TNNI3K: variants seen among roughly 807,000 people sequenced by gnomAD.
TNNI3K encodes the protein TNNI3 interacting kinase.
TNNI3K carries 140 observed loss-of-function variants against 114.5 expected under a neutral mutation model. That is an observed-to-expected ratio of 1.22 (90% confidence interval 1.07 to 1.41). TNNI3K has a LOEUF of 1.41. Ranked by LOEUF, TNNI3K falls within the 40% of genes most tolerant of loss-of-function variation. The pLI, the probability that TNNI3K is intolerant of heterozygous loss-of-function variation, is 0.00. For synonymous variants in TNNI3K, 347 were observed against 347.5 expected, an observed-to-expected ratio of 1.00 and a Z score of 0.02; for missense variants, 1,125 against 1,007.6, an observed-to-expected ratio of 1.12 and a Z score of -1.58.
intron 17 of TNNI3K, chr1:74,374,454 A>G (rs891641126): frequency 6.6e-6 from 1 of 151,936 alleles, no homozygotes; most frequent in African/African-American, 2.4e-5. Context: ...TGTATCTTCT[A>G]CTGTAACAAC....
chr1:74,395,662 C>G (rs1321511033), intron 17 of TNNI3K, among the ~76,000 whole-genome samples: 1 of 152,116 alleles, frequency 6.6e-6, no homozygotes, highest in Admixed American at 6.5e-5. Context: ...GTTATGTCCT[C>G]CCACAAGGGA....
intron 17 of TNNI3K, chr1:74,372,701 T>C (rs771920130): frequency 6.6e-6 from 1 of 151,852 alleles, no homozygotes; most frequent in Non-Finnish European, 1.5e-5. Flanking sequence ...TGAGTAATCA[T>C]TGCAATAAGT....
At chr1:74,507,750 G>C (rs1445014866) in intron 23 of TNNI3K, among the ~76,000 whole-genome samples, 1 of 152,142 alleles carries the variant, frequency 6.6e-6, no homozygotes, top group Non-Finnish European at 1.5e-5. Flanking sequence ...TACTAATATG[G>C]TACTTTAGTG....
chr1:74,428,044 C>A (rs372882994), intron 17 of TNNI3K, among the ~76,000 whole-genome samples: 1 of 151,888 alleles, frequency 6.6e-6, no homozygotes, highest in Non-Finnish European at 1.5e-5. Flanking sequence ...AATCCACTAG[C>A]TTTAGAGGTA....
chr1:74,407,235 C>G (rs1268123413), intron 17 of TNNI3K, among the ~76,000 whole-genome samples: 1 of 152,094 alleles, frequency 6.6e-6, no homozygotes, highest in Non-Finnish European at 1.5e-5. Flanking sequence ...AGGAAGTCTA[C>G]CAGGGGCTTC....
chr1:74,488,541 T>A (rs1196374229), intron 21 of TNNI3K, among the ~76,000 whole-genome samples: 3 of 152,196 alleles, frequency 2.0e-5, no homozygotes, highest in Non-Finnish European at 4.4e-5. Context: ...TTTCTAAAAT[T>A]CCAAGAATTT....
chr1:74,342,945 A>G lies in TNNI3K; in HGVS notation c.786A>G (p.Gln262=). The change falls in exon 8 of 25, where the codon CAA becomes CAG. Residue 262 remains glutamine (Q), a synonymous_variant. Transcript: ENST00000326637. ...TGCTGCAAAGTGATTTGGAAGTTCA[A>G]CCTCATGTTGTTAATATCTATGGAG... ...KYLLQSDLEV[Q]PHVVNIYGDT... The G allele has an allele frequency of 6.2e-7, 1 of 1,613,912 alleles. No homozygotes were observed. Among genetic ancestry groups the G allele is most frequent in the Non-Finnish European group, 8.5e-7 (1 of 1,179,898 alleles).
chr1:74,542,178 T>C (rs1287355915), intron 24 of TNNI3K, among the ~76,000 whole-genome samples: 1 of 152,216 alleles, frequency 6.6e-6, no homozygotes, highest in Non-Finnish European at 1.5e-5. Flanking sequence ...CTTACTGATT[T>C]TGCTGATCAT....
At chr1:74,540,341 T>G in intron 24 of TNNI3K, 28 bp downstream of exon 24, 1 of 1,604,898 alleles carries the variant, frequency 6.2e-7, no homozygotes, top group South Asian at 1.1e-5. Flanking sequence ...TTAGGTTTGT[T>G]AAGAAAACTA....
At position 74,511,103 on chromosome 1, in the gene TNNI3K, G is replaced by A. The variant is rs529710716; in HGVS notation, c.2351+18837G>A. Among the ~76,000 whole-genome samples the A allele has an allele frequency of 3.9e-5, 6 of 152,110 alleles. No homozygotes were observed. The South Asian group carries it at 1.2e-3, about 32-fold the overall frequency. On this transcript the variant is annotated intron_variant, in intron 23 of 24. Transcript: ENST00000326637. ...GAGTTTCACCATGTTGGCCAGGCTG[G>A]TCTGGAACTCCTGGTGATCACCTCA...
At chr1:74,531,038 G>A (rs1435721039) in intron 23 of TNNI3K, among the ~76,000 whole-genome samples, 2 of 152,180 alleles carry the variant, frequency 1.3e-5, no homozygotes, top group Admixed American at 6.5e-5. Flanking sequence ...GGGGGAAGCT[G>A]AGACCTTGGA....
At chr1:74,358,454 A>G (rs1661776255) in intron 11 of TNNI3K, among the ~76,000 whole-genome samples, 1 of 152,136 alleles carries the variant, frequency 6.6e-6, no homozygotes, top group African/African-American at 2.4e-5. Flanking sequence ...CTCTGAAAGT[A>G]ATGAAATCTT....
At chr1:74,320,131 AT>A (rs561349210) in intron 5 of TNNI3K, among the ~76,000 whole-genome samples, 9 of 152,286 alleles carry the variant, frequency 5.9e-5, no homozygotes, top group African/African-American at 2.2e-4. Flanking sequence ...GTAGGCTTCT[AT>A]TATTTAGCCA....
intron 9 of TNNI3K, among the ~76,000 whole-genome samples, chr1:74,344,754 A>G (rs1660912917): frequency 6.6e-6 from 1 of 152,218 alleles, no homozygotes; most frequent in Non-Finnish European, 1.5e-5. Flanking sequence ...GAAGATTTGT[A>G]AAGTGAGTTG....
At chr1:74,461,282 C>A (rs1171876541) in intron 20 of TNNI3K, among the ~76,000 whole-genome samples, 2 of 152,068 alleles carry the variant, frequency 1.3e-5, no homozygotes, top group Non-Finnish European at 2.9e-5. Context: ...AGATCGAGAC[C>A]ATCCTGCTAA....
intron 11 of TNNI3K, among the ~76,000 whole-genome samples, chr1:74,356,777 A>C (rs1442246611): frequency 6.6e-6 from 1 of 152,208 alleles, no homozygotes; most frequent in Non-Finnish European, 1.5e-5. Context: ...ATGAAATGTC[A>C]ACAAAGATCC....
intron 1 of TNNI3K, 44 bp from the exon 2 acceptor site, chr1:74,236,058 C>G (rs199725399): frequency 1.9e-6 from 3 of 1,543,942 alleles, no homozygotes; most frequent in Non-Finnish European, 2.6e-6. Context: ...CTACATTTTG[C>G]AAAACACAAC....
chr1:74,526,690 C>T (rs1028506640), intron 23 of TNNI3K, among the ~76,000 whole-genome samples: 1 of 152,138 alleles, frequency 6.6e-6, no homozygotes, highest in Non-Finnish European at 1.5e-5. Flanking sequence ...CTTTAACATT[C>T]CTCTCCTAGG....
At chr1:74,249,120 C>T (rs1185096114) in intron 2 of TNNI3K, among the ~76,000 whole-genome samples, 1 of 151,600 alleles carries the variant, frequency 6.6e-6, no homozygotes, top group Non-Finnish European at 1.5e-5. Flanking sequence ...CAGTGACTCT[C>T]AGGTTCCTAG....
Sources: allele counts gnomAD v4.1 joint callset (sites outside exome capture counted in the v4.1 genomes callset), GRCh38; gene constraint gnomAD v4.1.1; transcripts MANE v1.5; gene names NCBI Gene and HGNC (gene_info 2026-07-23, HGNC 2026-07-21).